The following TNN variants were observed in gnomAD, a reference collection of about 807,000 sequenced individuals.
TNN encodes the protein tenascin N, also known as tenascin-N.
TNN carries 122 observed loss-of-function variants against 134.4 expected under a neutral mutation model. The observed-to-expected ratio is 0.91, with a 90% CI of 0.78 to 1.06. The LOEUF (loss-of-function observed/expected upper bound fraction) is 1.06, where lower values mean the gene tolerates loss of function less well. TNN is among the 50% of genes least tolerant of loss of function. TNN has a pLI of 0.00. For missense variants in TNN, 1,739 were observed against 1,699.4 expected (o/e 1.02, Z -0.41); for synonymous variants, 710 against 670.3 (o/e 1.06, Z -0.91).
chr1:175,110,577 C>T (rs1674993542), intron 9 of TNN, among the ~76,000 whole-genome samples: 1 of 152,328 alleles, frequency 6.6e-6, no homozygotes, highest in South Asian at 2.1e-4. Context: ...TTTTATTCTT[C>T]TGCATATGGA....
At chr1:175,127,117 C>A (rs535349388) in intron 13 of TNN, 32 bp downstream of exon 13, 15 of 1,604,012 alleles carry the variant, frequency 9.4e-6, no homozygotes, top group South Asian at 4.5e-5. Context: ...TCTCCTGGTG[C>A]CTTCTCTTCT....
intron 9 of TNN, among the ~76,000 whole-genome samples, chr1:175,115,208 C>T (rs1159004083): frequency 2.6e-5 from 4 of 152,100 alleles, no homozygotes; most frequent in Non-Finnish European, 5.9e-5. Flanking sequence ...GCACTGATTC[C>T]CCAGTGGGCA....
chr1:175,147,054 A>G lies in TNN; in HGVS notation c.3883A>G (p.Arg1295Gly). 1.3e-6 allele frequency: 2 copies of G among 1,587,154 alleles called. No individual in the cohort carries two copies. Among genetic ancestry groups the G allele is most frequent in the Non-Finnish European group, 1.7e-6 (2 of 1,167,042 alleles). The change falls in exon 19 of 19, where the codon AGG becomes GGG. Residue 1295 changes from arginine (R) to glycine (G), a missense_variant. Physicochemically the swap from Arg to Gly is moderately radical, Grantham distance 125. Transcript: ENST00000239462. ...LGRKKRTLRG[R>G]LRTF ...CAGAAAGAAGCGGACGCTGAGAGGA[A>G]GGCTGCGAACGTTCTGATGGCCCGT...
intron 9 of TNN, among the ~76,000 whole-genome samples, chr1:175,108,867 A>T (rs2149436342): frequency 1.3e-5 from 2 of 150,084 alleles, no homozygotes; most frequent in South Asian, 4.2e-4. Flanking sequence ...AAGCTGAGGG[A>T]GTGGGCTCCA....
chr1:175,111,232 C>T (rs533360139), intron 9 of TNN, among the ~76,000 whole-genome samples: 168 of 152,188 alleles, frequency 1.1e-3, no homozygotes, highest in Non-Finnish European at 2.0e-3. Context: ...GCAGGAGAAT[C>T]GCTTGAACCT....
rs192791371 is a variant in TNN, at chr1:175,137,990, C to A, written c.3595+1002C>A. Among the ~76,000 whole-genome samples, 36 of 152,234 alleles carry A rather than the reference C, an allele frequency of 2.4e-4. No individual in the cohort carries two copies. In the East Asian group the frequency reaches 5.6e-3, roughly 24 times the overall value. On this transcript the variant is annotated intron_variant, in intron 17 of 18. Coordinates refer to ENST00000239462, the MANE Select transcript of TNN (RefSeq NM_022093.2). ...TGGAGTACGAAGCAACTGGAGGGAG[C>A]TGGATCTGCAAAAAGGGGCAAACTC...
At chr1:175,119,721 G>A (rs1347605708) in intron 11 of TNN, among the ~76,000 whole-genome samples, 4 of 143,996 alleles carry the variant, frequency 2.8e-5, no homozygotes, top group Admixed American at 7.3e-5. Context: ...TGCAAGCTCC[G>A]CCTCCCGGGT....
At chr1:175,144,572 T>A (rs774699262) in intron 18 of TNN, 22 bp downstream of exon 18, 100 of 1,612,134 alleles carry the variant, frequency 6.2e-5, no homozygotes, top group Non-Finnish European at 8.3e-5. Flanking sequence ...GTGAATGTCT[T>A]TTCTGTCCCA....
chr1:175,083,374 C>T (rs1035238989), intron 4 of TNN, among the ~76,000 whole-genome samples: 4 of 152,328 alleles, frequency 2.6e-5, no homozygotes, highest in South Asian at 4.1e-4. Flanking sequence ...AGGGGCTCTG[C>T]AGCTGAAGAG....
intron 9 of TNN, among the ~76,000 whole-genome samples, chr1:175,114,675 G>T (rs1558363814): frequency 6.6e-6 from 1 of 152,174 alleles, no homozygotes; most frequent in Non-Finnish European, 1.5e-5. Context: ...GCTTCAGGGG[G>T]TCAGTTTGTA....
chr1:175,132,037 AG>A (rs984929560), intron 15 of TNN, among the ~76,000 whole-genome samples: 4 of 151,704 alleles, frequency 2.6e-5, no homozygotes, highest in African/African-American at 9.7e-5. Context: ...AATGCATTCT[AG>A]GGGGGCAGGG....
chr1:175,119,443 GA>G (rs902595470), intron 11 of TNN, among the ~76,000 whole-genome samples: 121 of 152,222 alleles, frequency 7.9e-4, no homozygotes, highest in African/African-American at 2.7e-3. Flanking sequence ...CGGTCTTTAT[GA>G]CCTGTATCTT....
In TNN at chr1:175,097,621, T is replaced by G. The variant is rs780909357; in HGVS notation, c.1793T>G (p.Val598Gly). 6.2e-7 allele frequency: 1 copy of G among 1,614,030 alleles called. No individual in the cohort carries two copies. The highest frequency in any genetic ancestry group is 8.5e-7 in the Non-Finnish European group (1 of 1,179,994). The change falls in exon 8 of 19, where the codon GTG (valine) becomes GGG (glycine). Residue 598 changes from valine (V) to glycine (G), a missense_variant. Val to Gly is a moderately radical substitution (Grantham distance 109). Coordinates refer to ENST00000239462, the MANE Select transcript of TNN (RefSeq NM_022093.2). ...CTGAGGCCAGGTGTGGAGTACACAG[T>G]GCATGTCTGGGCCCAGAAGGGGGAC... ...TGLRPGVEYT[V>G]HVWAQKGDRE...
rs563566131 is a variant in TNN at position 175,105,983 on chromosome 1, C to T, written c.2119+7388C>T. Among the ~76,000 whole-genome samples, 26 of 145,814 alleles carry T rather than the reference C, an allele frequency of 1.8e-4. 2 individuals carry two copies. The highest frequency in any genetic ancestry group is 4.6e-4 in the East Asian group (2 of 4,342). On this transcript the variant is annotated intron_variant, in intron 9 of 18. Coordinates refer to ENST00000239462, the MANE Select transcript of TNN (RefSeq NM_022093.2). ...TGCTGACTTGAATAGTTGCGCTCAC[C>T]GACGCAGCAGCAGAAACACTAGTTT...
At chr1:175,100,866 T>G (rs1310419724) in intron 9 of TNN, among the ~76,000 whole-genome samples, 1 of 152,206 alleles carries the variant, frequency 6.6e-6, no homozygotes, top group Non-Finnish European at 1.5e-5. Context: ...CATTTGTTTC[T>G]TTTTTAAAAA....
chr1:175,074,506 A>T (rs1673993420), intron 1 of TNN, among the ~76,000 whole-genome samples: 1 of 128,580 alleles, frequency 7.8e-6, no homozygotes, highest in South Asian at 2.4e-4. Context: ...AAAAAAAAAA[A>T]AAAGAAGTGT....
intron 6 of TNN, among the ~76,000 whole-genome samples, chr1:175,088,878 C>T (rs954865374): frequency 2.0e-5 from 3 of 152,180 alleles, no homozygotes; most frequent in African/African-American, 7.2e-5. Context: ...ACAGTTTCTC[C>T]ACTGCAGCCT....
intron 14 of TNN, 124 bp downstream of exon 14, chr1:175,128,288 T>A: frequency 1.0e-6 from 1 of 967,078 alleles, no homozygotes; most frequent in Non-Finnish European, 1.5e-6. Flanking sequence ...CATGGGGAAG[T>A]GGAAATGGGG....
At chr1:175,114,692 A>G (rs1205317219) in intron 9 of TNN, among the ~76,000 whole-genome samples, 2 of 152,048 alleles carry the variant, frequency 1.3e-5, no homozygotes, top group East Asian at 3.9e-4. Flanking sequence ...TGTAACTGTA[A>G]TTCTACCCCT....
Sources: allele counts gnomAD v4.1 joint callset (sites outside exome capture counted in the v4.1 genomes callset), GRCh38; gene constraint gnomAD v4.1.1; transcripts MANE v1.5; gene names NCBI Gene and HGNC (gene_info 2026-07-23, HGNC 2026-07-21).